The following GPR155 variants were observed in gnomAD, a reference collection of about 807,000 sequenced individuals.
The protein encoded by GPR155 is lysosomal cholesterol signaling protein.
A neutral mutation model predicts 93.1 loss-of-function variants in GPR155; 65 were observed. That is an observed-to-expected ratio of 0.70 (90% CI 0.57 to 0.86). GPR155 has a LOEUF of 0.86. Ranked by LOEUF, GPR155 falls within the 40% of genes least tolerant of loss-of-function variation. The pLI is 0.00. For synonymous variants in GPR155, 319 were observed against 360.1 expected, an observed-to-expected ratio of 0.89 and a Z score of 1.29; for missense variants, 838 against 1,034.8, an observed-to-expected ratio of 0.81 and a Z score of 2.61.
At chr2:174,479,624 G>A (rs564647721) in intron 2 of GPR155, among the ~76,000 whole-genome samples, 3 of 152,094 alleles carry the variant, frequency 2.0e-5, no homozygotes, top group South Asian at 2.1e-4. Flanking sequence ...TTTCATTATC[G>A]GCTCACTAAT....
At position 174,432,698 on chromosome 2, in the gene GPR155, A is replaced by T. The variant is rs1388359553; in HGVS notation, c.*3418T>A. 6.6e-6 allele frequency: 1 copy of T among 151,818 alleles called. No homozygotes were observed. The highest frequency in any genetic ancestry group is 2.1e-4 in the South Asian group (1 of 4,818). 9.4% of individuals were successfully genotyped at this position (151,818 alleles called of 1,614,324 possible). ...CCTAATCACAACTTAAAATTGGTAT[A>T]GGTTAATAGTACACTAAAGTATAAT... On this transcript the variant is annotated 3_prime_UTR_variant, in exon 16 of 16. Transcript: ENST00000392552.
intron 9 of GPR155, 150 bp downstream of exon 9, chr2:174,461,252 G>C: frequency 1.7e-6 from 1 of 587,676 alleles, no homozygotes; most frequent in Non-Finnish European, 3.0e-6. Context: ...TCATGTTCTA[G>C]ATGAGACAAA....
At chr2:174,478,629 G>A (rs563982681) in intron 2 of GPR155, among the ~76,000 whole-genome samples, 4 of 152,160 alleles carry the variant, frequency 2.6e-5, no homozygotes, top group African/African-American at 4.8e-5. Context: ...GAAAGAAAAC[G>A]TAACTATCTT....
intron 2 of GPR155, among the ~76,000 whole-genome samples, chr2:174,477,206 A>G (rs1688192458): frequency 6.6e-6 from 1 of 151,968 alleles, no homozygotes; most frequent in African/African-American, 2.4e-5. Context: ...TAAATTATAT[A>G]TATTTATAAT....
Position 174,481,553 on chromosome 2 carries a change from C to T in GPR155, c.404G>A (p.Gly135Glu), listed in dbSNP as rs1157706107. ...ASPDSRFSKA[G>E]LFPIFATQSN... Reference sequence around the variant, plus strand: ...TTGTGTAGCAAAAATAGGGAATAGTCCAGCTTTGCTAAATCGACTATCAGG... The same window carrying T: ...TTGTGTAGCAAAAATAGGGAATAGTTCAGCTTTGCTAAATCGACTATCAGG... Residue 135 changes from glycine (G) to glutamate (E), a missense_variant, in exon 2 of 16, where the codon GGA (glycine) becomes GAA (glutamate). By Grantham distance (98) the Gly-to-Glu change is moderately conservative (BLOSUM62 -2). Around this residue, in one of 3 missense-constraint regions of GPR155, gnomAD observed 663 missense variants for 790.1 expected, o/e 0.84. Coordinates refer to ENST00000392552, the MANE Select transcript of GPR155 (RefSeq NM_152529.7). The T allele has an allele frequency of 2.5e-6, 4 of 1,612,922 alleles. No individual in the cohort carries two copies. Among genetic ancestry groups the T allele is most frequent in the Non-Finnish European group, 3.4e-6 (4 of 1,179,828 alleles).
Position 174,433,969 on chromosome 2 carries a change from T to G in GPR155, c.*2147A>C, listed in dbSNP as rs1390267739. The G allele has an allele frequency of 2.0e-5, 3 of 151,770 alleles. No homozygotes were observed. The highest frequency in any genetic ancestry group is 7.3e-5 in the African/African-American group (3 of 41,328). The allele number at this position is 151,770 out of a possible 1,614,324, so 9.4% of individuals were successfully genotyped here. A position where few individuals can be genotyped will look rare whatever the true frequency, so the allele number is the denominator to read the frequency against. On this transcript the variant is annotated 3_prime_UTR_variant, in exon 16 of 16. Transcript: ENST00000392552. ...TAAATGTAATCTTTAGAATTTTTTT[T>G]TTTTTTTCTGAGACAGAGTCTCACT...
chr2:174,486,330 C>G (rs1688478827), intron 1 of GPR155, among the ~76,000 whole-genome samples: 1 of 152,234 alleles, frequency 6.6e-6, no homozygotes, highest in South Asian at 2.1e-4. Context: ...CGGAGAGCAG[C>G]TGCCAGCCAA....
chr2:174,448,295 G>A (rs1043446594), intron 11 of GPR155, among the ~76,000 whole-genome samples: 9 of 152,168 alleles, frequency 5.9e-5, no homozygotes, highest in African/African-American at 2.2e-4. Flanking sequence ...GGAATTGCTT[G>A]AACCTGGGAG....
chr2:174,460,025 T>C lies in GPR155; in HGVS notation c.1624A>G (p.Met542Val), dbSNP rs985709362. The change falls in exon 10 of 16, where the codon ATG (methionine) becomes GTG (valine). Residue 542 changes from methionine (M) to valine (V), a missense_variant. By Grantham distance (21) the Met-to-Val change is conservative. Transcript: ENST00000392552. ...ILIAGISLMC[M>V]NQTAQAGSYE... is the part of the protein sequence containing the mutation. ...CTTCCTGCTTGGGCAGTCTGGTTCATGCACATGAGGGATATGCCAGCTATC... is the reference window on the plus strand; with the variant it reads ...CTTCCTGCTTGGGCAGTCTGGTTCACGCACATGAGGGATATGCCAGCTATC... 3.7e-6 allele frequency: 6 copies of C among 1,613,844 alleles called. No homozygotes were observed. The highest frequency in any genetic ancestry group is 5.1e-6 in the Non-Finnish European group (6 of 1,180,014).
chr2:174,472,360 C>T (rs770648043), intron 3 of GPR155, among the ~76,000 whole-genome samples: 2 of 152,150 alleles, frequency 1.3e-5, no homozygotes, highest in African/African-American at 2.4e-5. Context: ...GAGCCAAGAT[C>T]GCATGACTGC....
intron 7 of GPR155, 58 bp downstream of exon 7, chr2:174,465,727 A>C: frequency 1.2e-6 from 1 of 837,836 alleles, no homozygotes; most frequent in Non-Finnish European, 2.0e-6. Context: ...GCTCAGGGCT[A>C]TTAGGAATGG....
intron 12 of GPR155, among the ~76,000 whole-genome samples, chr2:174,446,094 G>A (rs1249446750): frequency 6.6e-6 from 1 of 151,810 alleles, no homozygotes; most frequent in Non-Finnish European, 1.5e-5. Flanking sequence ...ATCACCTGAG[G>A]TCAGGGGTTC....
At chr2:174,453,237 A>T (rs1245819104) in intron 11 of GPR155, among the ~76,000 whole-genome samples, 1 of 152,198 alleles carries the variant, frequency 6.6e-6, no homozygotes, top group Admixed American at 6.5e-5. Context: ...TTTATTTTTT[A>T]AAGTGAGTAT....
rs1210212060 is a variant in GPR155 at position 174,448,526 on chromosome 2, T to G, written c.1877-1779A>C. On this transcript the variant is annotated intron_variant, in intron 11 of 15. Transcript: ENST00000392552. ...ACTGGGAAGTTTTTTGTTTTTTGTT[T>G]TTTGTTTTTTTTTTTTTTTTTTGAG... Among the ~76,000 whole-genome samples the G allele has an allele frequency of 2.0e-3, 181 of 92,472 alleles. 1 individual carries two copies. Among genetic ancestry groups the G allele is most frequent in the Middle Eastern group, 0.016 (2 of 128 alleles). 60.7% of individuals were successfully genotyped at this position (92,472 alleles called of 152,430 possible). A position where few individuals can be genotyped will look rare whatever the true frequency, so the allele number is the denominator to read the frequency against.
At chr2:174,471,554 G>A (rs1322744428) in intron 3 of GPR155, among the ~76,000 whole-genome samples, 1 of 150,858 alleles carries the variant, frequency 6.6e-6, no homozygotes, top group Non-Finnish European at 1.5e-5. Flanking sequence ...CTGTTGAAGA[G>A]TCAATTATTA....
At chr2:174,467,198 C>CA (rs544972072) in intron 5 of GPR155, among the ~76,000 whole-genome samples, 91 of 150,840 alleles carry the variant, frequency 6.0e-4, no homozygotes, top group Non-Finnish European at 1.0e-3. Context: ...CAAAGCAAAA[C>CA]AAAAAAAAAC....
chr2:174,437,399 GA>G (rs1559094254), intron 15 of GPR155, among the ~76,000 whole-genome samples: 1 of 152,058 alleles, frequency 6.6e-6, no homozygotes, highest in Non-Finnish European at 1.5e-5. Context: ...TAATACTCAT[GA>G]AAAGTTTTCT....
At chr2:174,459,642 C>T (rs543234685) in intron 10 of GPR155, among the ~76,000 whole-genome samples, 9 of 152,232 alleles carry the variant, frequency 5.9e-5, no homozygotes, top group Admixed American at 4.6e-4. Flanking sequence ...CTCAGCAGGT[C>T]GAGACCAGCC....
At position 174,461,511 on chromosome 2, in the gene GPR155, T is replaced by C. The variant is rs751390893; in HGVS notation, c.1470-19A>G. ...AGGAATTCTGTAATCACAAGTGATATTGGGAGAGAAAAAGAAAGGATGAAT... is the reference window on the plus strand; with the variant it reads ...AGGAATTCTGTAATCACAAGTGATACTGGGAGAGAAAAAGAAAGGATGAAT... On this transcript the variant is annotated intron_variant, in intron 8 of 15. Coordinates refer to ENST00000392552, the MANE Select transcript of GPR155 (RefSeq NM_152529.7). The C allele has an allele frequency of 1.4e-5, 23 of 1,595,668 alleles. No individual in the cohort carries two copies. The highest frequency in any genetic ancestry group is 2.7e-5 in the African/African-American group (2 of 74,552).
Sources: allele counts gnomAD v4.1 joint callset (sites outside exome capture counted in the v4.1 genomes callset), GRCh38; gene constraint gnomAD v4.1.1; regional missense constraint gnomAD v4.1.1; transcripts MANE v1.5; gene names NCBI Gene and HGNC (gene_info 2026-07-23, HGNC 2026-07-21).